HS3ST3B1: variants seen among roughly 807,000 people sequenced by gnomAD.
The protein encoded by HS3ST3B1 is heparan sulfate-glucosamine 3-sulfotransferase 3B1, also known as heparan sulfate glucosamine 3-O-sulfotransferase 3B1.
Under a neutral mutation model 21.3 loss-of-function variants are expected in HS3ST3B1, and 13 were observed. The ratio of observed to expected loss-of-function variants is 0.61; its 90% CI spans 0.40 to 0.97. The LOEUF is 0.97. Among genes scored for constraint, HS3ST3B1 ranks in the 50% least tolerant of loss-of-function variants. HS3ST3B1 has a pLI of 0.00. For synonymous variants in HS3ST3B1, 234 were observed against 254.8 expected, an observed-to-expected ratio of 0.92 and a Z score of 0.78; for missense variants, 459 against 554.8, an observed-to-expected ratio of 0.83 and a Z score of 1.73.
chr17:14,331,470 G>A (rs1271640907), intron 1 of HS3ST3B1, among the ~76,000 whole-genome samples: 1 of 152,126 alleles, frequency 6.6e-6, no homozygotes, highest in East Asian at 1.9e-4. Flanking sequence ...TTTCTGAGCA[G>A]TATTGAAATT....
intron 1 of HS3ST3B1, among the ~76,000 whole-genome samples, chr17:14,319,943 C>T (rs536063032): frequency 6.6e-6 from 1 of 151,974 alleles, no homozygotes; most frequent in African/African-American, 2.4e-5. Flanking sequence ...CCCCGAGTCC[C>T]CAAAGTCCAT....
Position 14,301,601 on chromosome 17 carries a change from C to T in HS3ST3B1, c.83C>T (p.Pro28Leu), listed in dbSNP as rs773122320. 7 of 1,604,260 alleles carry T rather than the reference C, an allele frequency of 4.4e-6. No individual in the cohort carries two copies. The South Asian group carries it at 7.7e-5, about 18-fold the overall frequency. ...CCGCAGCCGCCGCCGCCCCCGCCGC[C>T]GGTGAGGAGGAAGCTCGCGCTGCTC... Reference protein sequence around the residue: ...LLPQPPPPPPPVRRKLALLFA... With the variant: ...LLPQPPPPPPLVRRKLALLFA... The change falls in exon 1 of 2, where the codon CCG becomes CTG. Residue 28 changes from proline (P) to leucine (L), a missense_variant. Pro to Leu is a moderately conservative substitution (Grantham distance 98, BLOSUM62 -3). Coordinates refer to ENST00000360954, the MANE Select transcript of HS3ST3B1 (RefSeq NM_006041.3).
intron 1 of HS3ST3B1, chr17:14,329,350 AAAG>A (rs1269868406): frequency 5.5e-4 from 62 of 111,800 alleles, no homozygotes; most frequent in Admixed American, 8.2e-4. Context: ...AGAAAGAAAG[AAAG>A]AAAGAAAGAA....
chr17:14,348,768 AAAATTG>A lies in HS3ST3B1; in HGVS notation c.*3124_*3129del. 1 of 152,338 alleles carries A rather than the reference AAAATTG, an allele frequency of 6.6e-6. No homozygotes were observed. Among genetic ancestry groups the A allele is most frequent in the South Asian group, 2.1e-4 (1 of 4,832 alleles). 9.4% of individuals were successfully genotyped at this position (152,338 alleles called of 1,614,324 possible). A position where few individuals can be genotyped will look rare whatever the true frequency, so the allele number is the denominator to read the frequency against. ...AAACAAACAAAAAGGTCAACAAAAA[AAAATTG>A]AGGTTTTTCTTGTTTCTATCTAGTT... On this transcript the variant is annotated 3_prime_UTR_variant, in exon 2 of 2. Transcript: ENST00000360954.
intron 1 of HS3ST3B1, chr17:14,329,022 T>C (rs1909898023): frequency 6.6e-6 from 1 of 152,074 alleles, no homozygotes; most frequent in African/African-American, 2.4e-5. Context: ...CTGTTTTTAG[T>C]GGATTGCCGT....
chr17:14,337,109 T>C (rs1033500283), intron 1 of HS3ST3B1, among the ~76,000 whole-genome samples: 5 of 152,136 alleles, frequency 3.3e-5, no homozygotes, highest in African/African-American at 1.2e-4. Context: ...TACCTGTCTG[T>C]TTTTCTTCTG....
chr17:14,316,715 C>T (rs980419542), intron 1 of HS3ST3B1, among the ~76,000 whole-genome samples: 4 of 152,174 alleles, frequency 2.6e-5, no homozygotes. Context: ...TAAAAAAATG[C>T]ATTTTCCCCC....
At chr17:14,315,032 A>T (rs1366787645) in intron 1 of HS3ST3B1, among the ~76,000 whole-genome samples, 1 of 152,150 alleles carries the variant, frequency 6.6e-6, no homozygotes. Flanking sequence ...TGATGAAATC[A>T]TTTTCAGTGA....
At chr17:14,322,367 T>C (rs67975698) in intron 1 of HS3ST3B1, among the ~76,000 whole-genome samples, 21,710 of 152,150 alleles carry the variant, frequency 0.14, 2,226 homozygotes, top group East Asian at 0.31. Context: ...TTCATTGTTA[T>C]TACATTGAGC....
intron 1 of HS3ST3B1, among the ~76,000 whole-genome samples, chr17:14,305,720 G>T (rs1224417580): frequency 6.6e-6 from 1 of 152,066 alleles, no homozygotes; most frequent in Non-Finnish European, 1.5e-5. Context: ...TAATGCTGTG[G>T]CCCACATTAA....
chr17:14,332,022 T>C (rs1488905482), intron 1 of HS3ST3B1, among the ~76,000 whole-genome samples: 1 of 152,096 alleles, frequency 6.6e-6, no homozygotes, highest in African/African-American at 2.4e-5. Flanking sequence ...AAATTACAGC[T>C]CTCCTCTGTC....
chr17:14,341,268 C>A (rs1047948583), intron 1 of HS3ST3B1, among the ~76,000 whole-genome samples: 1 of 152,190 alleles, frequency 6.6e-6, no homozygotes, highest in Non-Finnish European at 1.5e-5. Context: ...AGGTTGTGGA[C>A]CCCAGGCAGG....
chr17:14,310,141 T>C (rs1597587483), intron 1 of HS3ST3B1, among the ~76,000 whole-genome samples: 1 of 152,036 alleles, frequency 6.6e-6, no homozygotes, highest in African/African-American at 2.4e-5. Context: ...GAAGAGAAAG[T>C]GGGAAGGACT....
intron 1 of HS3ST3B1, among the ~76,000 whole-genome samples, chr17:14,308,839 C>T (rs1476016601): frequency 1.3e-5 from 2 of 152,130 alleles, no homozygotes; most frequent in Non-Finnish European, 2.9e-5. Context: ...ATTCAGAATC[C>T]CTGTTTTCTC....
rs1339936827 is a variant in HS3ST3B1, at chr17:14,301,295, A to G, written c.-224A>G. The G allele has an allele frequency of 1.2e-5, 6 of 492,322 alleles. No homozygotes were observed. Among genetic ancestry groups the G allele is most frequent in the Non-Finnish European group, 2.1e-5 (6 of 283,680 alleles). The allele number at this position is 492,322 out of a possible 1,614,324, so 30.5% of individuals were successfully genotyped here. The stretch of plus-strand genomic sequence containing the variant: ...TACCGCCGTCCCGACTTTCCGTTCC[A>G]GTTGCAGCTCCTGCCGGGCAACATG... On this transcript the variant is annotated 5_prime_UTR_variant, in exon 1 of 2. Transcript: ENST00000360954.
In HS3ST3B1 at chr17:14,301,911, G is replaced by T. The variant is rs1468152185; in HGVS notation, c.393G>T (p.Gly131=). Reference sequence around the variant, plus strand: ...GCCCCATCTCCAGCTTTTTCAGTGGGTCTGGGAGCAAGCAGCTGCCGCAGG... The same window carrying T: ...GCCCCATCTCCAGCTTTTTCAGTGGTTCTGGGAGCAAGCAGCTGCCGCAGG... The part of the protein sequence containing the change: ...SPSPISSFFS[G]SGSKQLPQAI... The change falls in exon 1 of 2, where the codon GGG becomes GGT. Residue 131 remains glycine, a synonymous_variant. Coordinates refer to ENST00000360954, the MANE Select transcript of HS3ST3B1 (RefSeq NM_006041.3). The T allele has an allele frequency of 5.6e-6, 9 of 1,609,594 alleles. No individual in the cohort carries two copies. The highest frequency in any genetic ancestry group is 7.6e-6 in the Non-Finnish European group (9 of 1,178,708).
chr17:14,329,502 AAG>A (rs745797654), intron 1 of HS3ST3B1: 1 of 150,068 alleles, frequency 6.7e-6, no homozygotes, highest in African/African-American at 2.5e-5. Flanking sequence ...GAAAGAAGGA[AAG>A]AGAGAAGGAG....
chr17:14,337,494 A>ATTTT lies in HS3ST3B1; in HGVS notation c.555-7522_555-7519dup, dbSNP rs5819471. ...AGGAGCCCGCCATCATGCCTGGCTA[A>ATTTT]TTTTTTTTTTTTTTTGTATTTTTAG... is the stretch of plus-strand genomic sequence containing the variant. On this transcript the variant is annotated intron_variant, in intron 1 of 1. Transcript: ENST00000360954. Among the ~76,000 whole-genome samples, 623 of 140,950 alleles carry ATTTT rather than the reference A, an allele frequency of 4.4e-3. 6 individuals are homozygous for ATTTT. Among genetic ancestry groups the ATTTT allele is most frequent in the Admixed American group, 8.2e-3 (116 of 14,176 alleles). The allele number at this position is 140,950 out of a possible 152,430, so 92.5% of individuals were successfully genotyped here.
Position 14,348,095 on chromosome 17 carries a change from G to A in HS3ST3B1, c.*2449G>A, listed in dbSNP as rs1031133007. On this transcript the variant is annotated 3_prime_UTR_variant, in exon 2 of 2. Transcript: ENST00000360954. ...ATCATTCTGATGGTCTGATGTGGCT[G>A]TTGATGTGGAACTGCAGAAGAGTTC... 1.9e-4 allele frequency: 29 copies of A among 152,234 alleles called. 1 individual carries two copies. Among genetic ancestry groups the A allele is most frequent in the Non-Finnish European group, 7.3e-5 (5 of 68,056 alleles). The allele number at this position is 152,234 out of a possible 1,614,324, so 9.4% of individuals were successfully genotyped here. A position where few individuals can be genotyped will look rare whatever the true frequency, so the allele number is the denominator to read the frequency against.
Sources: allele counts gnomAD v4.1 joint callset (sites outside exome capture counted in the v4.1 genomes callset), GRCh38; gene constraint gnomAD v4.1.1; transcripts MANE v1.5; gene names NCBI Gene and HGNC (gene_info 2026-07-23, HGNC 2026-07-21).